Variants in NEMP2 observed in about 807,000 individuals in gnomAD.
NEMP2 encodes UPF0571 transmembrane protein.
In NEMP2, 53 loss-of-function variants were observed where a neutral mutation model predicts 54.2. The observed-to-expected ratio is 0.98, with a 90% CI of 0.78 to 1.23. The LOEUF is 1.23. NEMP2 is among the 50% of genes most tolerant of loss of function. NEMP2 has a pLI of 0.00. For missense variants in NEMP2, 455 were observed against 511.3 expected (o/e 0.89, Z 1.06); for synonymous variants, 197 against 190.3 (o/e 1.04, Z -0.29).
upstream of NEMP2, among the ~76,000 whole-genome samples, chr2:190,536,859 C>G (rs1691392894): frequency 6.6e-6 from 1 of 152,182 alleles, no homozygotes; most frequent in Admixed American, 6.5e-5. Flanking sequence ...AGCACAACTC[C>G]TGACTAGATT....
In NEMP2 at chr2:190,510,352, G is replaced by A. The variant is rs1021156362; in HGVS notation, c.1130+9C>T. The A allele has an allele frequency of 2.4e-5, 37 of 1,551,356 alleles. No individual in the cohort carries two copies. The highest frequency in any genetic ancestry group is 4.8e-5 in the South Asian group (4 of 84,040). On this transcript the variant is annotated intron_variant, in intron 8 of 8. Transcript: ENST00000409150. The surrounding 1 kb of genome is among the most constrained non-coding windows in gnomAD (Gnocchi z 5.7). The stretch of plus-strand genomic sequence containing the variant: ...TAAACTATGGTCCGAGCAGCAGAGC[G>A]GGACTTACTTGCTAGGAGTGTGGAG...
chr2:190,591,239 C>G, the NEMP2 span, among the ~76,000 whole-genome samples: 1 of 152,106 alleles, frequency 6.6e-6, no homozygotes, highest in Non-Finnish European at 1.5e-5. This position sits in a 1 kb window ranked among gnomAD's most constrained non-coding sequence, Gnocchi z 5.4. Flanking sequence ...CTTAATGACC[C>G]TTCCTCAGTG....
chr2:190,617,470 C>T, the NEMP2 span, among the ~76,000 whole-genome samples: 1 of 152,198 alleles, frequency 6.6e-6, no homozygotes, highest in South Asian at 2.1e-4. The surrounding 1 kb of genome is among the most constrained non-coding windows in gnomAD (Gnocchi z 5.0). Context: ...ATTTCTCCCA[C>T]CCCTACCCTT....
At chr2:190,433,928 C>T in the NEMP2 span, among the ~76,000 whole-genome samples, 2 of 152,104 alleles carry the variant, frequency 1.3e-5, no homozygotes, top group South Asian at 2.1e-4. The surrounding 1 kb of genome is among the most constrained non-coding windows in gnomAD (Gnocchi z 4.5). Context: ...CAGTGGTTCA[C>T]GCCTGTAATC....
the NEMP2 span, among the ~76,000 whole-genome samples, chr2:190,646,037 T>C: frequency 1.3e-5 from 2 of 152,252 alleles, no homozygotes; most frequent in East Asian, 3.8e-4. Flanking sequence ...CTCAACAAGC[T>C]GTACTGAATA....
chr2:190,459,726 G>A, the NEMP2 span, among the ~76,000 whole-genome samples: 2 of 152,162 alleles, frequency 1.3e-5, no homozygotes, highest in African/African-American at 4.8e-5. The surrounding 1 kb of genome is among the most constrained non-coding windows in gnomAD (Gnocchi z 5.3). Context: ...GGTGACCATA[G>A]TTACACTCTT....
chr2:190,613,506 T>C, the NEMP2 span, among the ~76,000 whole-genome samples: 2 of 152,246 alleles, frequency 1.3e-5, no homozygotes, highest in African/African-American at 4.8e-5. Context: ...TTGACAGAGC[T>C]AAGTACAAAG....
chr2:190,592,122 A>G, the NEMP2 span, among the ~76,000 whole-genome samples: 1 of 152,110 alleles, frequency 6.6e-6, no homozygotes, highest in Admixed American at 6.6e-5. The surrounding 1 kb of genome is among the most constrained non-coding windows in gnomAD (Gnocchi z 4.4). Flanking sequence ...CCTCCCCCAG[A>G]GGTGCAGGGG....
the NEMP2 span, chr2:190,625,754 T>G: frequency 6.6e-6 from 1 of 152,216 alleles, no homozygotes; most frequent in African/African-American, 2.4e-5. Flanking sequence ...CTTTTTAAAA[T>G]TTGAGGCTTC....
the NEMP2 span, among the ~76,000 whole-genome samples, chr2:190,475,984 G>A: frequency 6.6e-6 from 1 of 152,116 alleles, no homozygotes; most frequent in African/African-American, 2.4e-5. Context: ...TTTAATAAAT[G>A]GTGCTGAGAA....
chr2:190,603,792 T>A, the NEMP2 span, among the ~76,000 whole-genome samples: 1 of 151,722 alleles, frequency 6.6e-6, no homozygotes, highest in Non-Finnish European at 1.5e-5. Context: ...ACAACAAAAA[T>A]CTTACATGCA....
At chr2:190,534,728 G>T (rs1691307991), upstream of NEMP2, 3 of 1,132,568 alleles carry the variant, frequency 2.6e-6, no homozygotes, top group African/African-American at 4.8e-5. Context: ...GAAGTGGCGC[G>T]GGGGCTCAGA....
At chr2:190,617,394 A>G in the NEMP2 span, among the ~76,000 whole-genome samples, 3 of 152,166 alleles carry the variant, frequency 2.0e-5, no homozygotes, top group Admixed American at 2.0e-4. This position sits in a 1 kb window ranked among gnomAD's most constrained non-coding sequence, Gnocchi z 5.0. Flanking sequence ...ATCAAAATGG[A>G]GGAACAAAAG....
the NEMP2 span, among the ~76,000 whole-genome samples, chr2:190,595,842 G>A: frequency 6.6e-6 from 1 of 152,192 alleles, no homozygotes; most frequent in Admixed American, 6.5e-5. The surrounding 1 kb of genome is among the most constrained non-coding windows in gnomAD (Gnocchi z 4.0). Context: ...ACAGTGTGGC[G>A]ATTCCTCAAG....
the NEMP2 span, among the ~76,000 whole-genome samples, chr2:190,574,814 C>CCCTTCCCTCCCTTCCCTT: frequency 8.8e-6 from 1 of 114,122 alleles, no homozygotes. Context: ...TCCCTTCCCT[C>CCCTTCCCTCCCTTCCCTT]CCTTCCCCCC....
At chr2:190,593,910 A>G in the NEMP2 span, among the ~76,000 whole-genome samples, 1 of 152,168 alleles carries the variant, frequency 6.6e-6, no homozygotes, top group Non-Finnish European at 1.5e-5. The surrounding 1 kb of genome is among the most constrained non-coding windows in gnomAD (Gnocchi z 4.5). Context: ...TGTTTCCCCA[A>G]AATCTACTGT....
the NEMP2 span, among the ~76,000 whole-genome samples, chr2:190,601,003 T>TG: frequency 6.6e-6 from 1 of 152,234 alleles, no homozygotes; most frequent in East Asian, 1.9e-4. The surrounding 1 kb of genome is among the most constrained non-coding windows in gnomAD (Gnocchi z 5.8). Flanking sequence ...ACAATTGATG[T>TG]GGGTTGAATT....
the NEMP2 span, among the ~76,000 whole-genome samples, chr2:190,612,474 C>G: frequency 6.6e-6 from 1 of 152,056 alleles, no homozygotes; most frequent in African/African-American, 2.4e-5. Flanking sequence ...TTTTAAACAA[C>G]CAGTTATTTT....
At chr2:190,567,307 A>G in the NEMP2 span, among the ~76,000 whole-genome samples, 7 of 152,152 alleles carry the variant, frequency 4.6e-5, no homozygotes, top group African/African-American at 1.2e-4. The surrounding 1 kb of genome is among the most constrained non-coding windows in gnomAD (Gnocchi z 4.0). Flanking sequence ...TAGACTATCC[A>G]TCTAGTAGGA....
Sources: gnomAD v4.1 joint callset for allele counts (sites outside exome capture counted in the v4.1 genomes callset) on GRCh38, gnomAD v4.1.1 for gene constraint, Gnocchi (gnomAD v3.1) non-coding constraint, MANE v1.5 for transcripts, NCBI Gene and HGNC (gene_info 2026-07-23, HGNC 2026-07-21) for gene names.